The following EYS variants were observed in gnomAD, a reference collection of about 807,000 sequenced individuals.
EYS encodes the protein EGF-like photoreceptor maintenance factor.
Under a neutral mutation model 282.1 loss-of-function variants are expected in EYS, and 250 were observed. That is an observed-to-expected ratio of 0.89 (90% CI 0.80 to 0.98). The LOEUF (loss-of-function observed/expected upper bound fraction) is 0.98. EYS is among the 50% of genes least tolerant of loss of function. The probability of loss-of-function intolerance (pLI) is 0.00; values close to 1 mark genes in which losing one functional copy is unlikely to be tolerated. For synonymous variants in EYS, 1,355 were observed against 1,282.9 expected (o/e 1.06, Z -1.20); for missense variants, 4,016 against 3,709.0 (o/e 1.08, Z -2.15).
Position 63,720,508 on chromosome 6 carries a change from T to C in EYS, c.*88A>G. ...CTATTTCAGGTAATATAGTAAACAG[T>C]TGATTCCCCGTAAGCAATGTATCAA... is the stretch of plus-strand genomic sequence containing the variant. On this transcript the variant is annotated 3_prime_UTR_variant, in exon 43 of 43. Coordinates refer to ENST00000503581, the MANE Select transcript of EYS (RefSeq NM_001142800.2). 2 of 957,734 alleles carry C rather than the reference T, an allele frequency of 2.1e-6. No individual in the cohort carries two copies. The highest frequency in any genetic ancestry group is 3.0e-6 in the Non-Finnish European group (2 of 665,942). 59.3% of individuals were successfully genotyped at this position (957,734 alleles called of 1,614,324 possible).
chr6:64,435,587 G>C (rs1405185034), intron 28 of EYS, among the ~76,000 whole-genome samples: 1 of 151,068 alleles, frequency 6.6e-6, no homozygotes. Context: ...AAAGGTGGAG[G>C]GAGGTAAGGC....
chr6:64,925,066 A>G (rs11756406), intron 15 of EYS, among the ~76,000 whole-genome samples: 4,707 of 152,246 alleles, frequency 0.031, 132 homozygotes, highest in East Asian at 0.13. Flanking sequence ...TATACCCGAG[A>G]CTGGGAAGAA....
chr6:65,480,589 G>A (rs936261323), intron 5 of EYS, among the ~76,000 whole-genome samples: 1 of 152,048 alleles, frequency 6.6e-6, no homozygotes, highest in African/African-American at 2.4e-5. Flanking sequence ...GAAGAAAGGT[G>A]CATATTAAAT....
intron 2 of EYS, among the ~76,000 whole-genome samples, chr6:65,514,026 G>T (rs1308719739): frequency 6.6e-6 from 1 of 152,064 alleles, no homozygotes; most frequent in Non-Finnish European, 1.5e-5. Flanking sequence ...TGACATGATT[G>T]TATATCTAGA....
chr6:65,408,767 G>GT (rs758152186), intron 5 of EYS, among the ~76,000 whole-genome samples: 3 of 151,916 alleles, frequency 2.0e-5, no homozygotes, highest in Non-Finnish European at 4.4e-5. Context: ...ATTTAATGTG[G>GT]TTTTTTTCCA....
chr6:65,266,803 T>A (rs971796289), intron 12 of EYS, among the ~76,000 whole-genome samples: 16 of 151,414 alleles, frequency 1.1e-4, no homozygotes, highest in African/African-American at 3.6e-4. Context: ...CTTAAGCTAC[T>A]CTACAATATC....
At chr6:65,095,231 G>C (rs1774705429) in intron 12 of EYS, among the ~76,000 whole-genome samples, 1 of 151,204 alleles carries the variant, frequency 6.6e-6, no homozygotes, top group Admixed American at 6.6e-5. Flanking sequence ...GAAGTAAACA[G>C]TAAAAGGGTG....
intron 14 of EYS, among the ~76,000 whole-genome samples, chr6:64,977,785 T>A (rs756494457): frequency 6.6e-6 from 1 of 151,850 alleles, no homozygotes; most frequent in Non-Finnish European, 1.5e-5. Context: ...TTTAGTAATC[T>A]GGATAGAAGA....
intron 34 of EYS, among the ~76,000 whole-genome samples, chr6:63,995,853 C>T (rs1767810151): frequency 6.6e-6 from 1 of 151,716 alleles, no homozygotes; most frequent in South Asian, 2.1e-4. Flanking sequence ...AAGTTCCAAT[C>T]TGATAAGAGG....
At chr6:64,973,510 TTCTC>T (rs765255103) in intron 14 of EYS, among the ~76,000 whole-genome samples, 2 of 152,170 alleles carry the variant, frequency 1.3e-5, no homozygotes, top group East Asian at 1.9e-4. Flanking sequence ...TAGTTTACTT[TTCTC>T]TCTCTCTAAG....
chr6:65,517,341 C>CAAAAAAA (rs71002314), intron 2 of EYS, among the ~76,000 whole-genome samples: 2 of 145,024 alleles, frequency 1.4e-5, no homozygotes, highest in South Asian at 2.1e-4. Flanking sequence ...AAAACAACAA[C>CAAAAAAA]AAAAAAAAAA....
In EYS at chr6:64,165,123, CTG is replaced by C. The variant is rs767151513; in HGVS notation, c.6424+65467_6424+65468del. 2.1e-3 allele frequency among the ~76,000 whole-genome samples: 322 copies of C among 152,118 alleles called. 4 individuals carry two copies. Among genetic ancestry groups the C allele is most frequent in the Non-Finnish European group, 2.2e-4 (15 of 67,946 alleles). On this transcript the variant is annotated intron_variant, in intron 31 of 42. Transcript: ENST00000503581. ...GCTGACTATAAGTAGGGTCATAAAA[CTG>C]TACATATCAAATATGTGTAGTTCTT...
chr6:65,371,802 G>A (rs1205801744), intron 8 of EYS, among the ~76,000 whole-genome samples: 1 of 150,864 alleles, frequency 6.6e-6, no homozygotes, highest in Non-Finnish European at 1.5e-5. Context: ...GGGACAAGGA[G>A]AGAGGGACAG....
At chr6:65,457,173 A>T (rs1764654138) in intron 5 of EYS, among the ~76,000 whole-genome samples, 1 of 151,506 alleles carries the variant, frequency 6.6e-6, no homozygotes, top group Admixed American at 6.6e-5. Flanking sequence ...TGTTTTATTT[A>T]TTTATTTTTT....
intron 29 of EYS, among the ~76,000 whole-genome samples, chr6:64,383,030 G>A (rs989184288): frequency 6.6e-6 from 1 of 152,190 alleles, no homozygotes; most frequent in Non-Finnish European, 1.5e-5. Flanking sequence ...GCTCATGCTT[G>A]TAATCCTAGC....
At chr6:64,835,313 T>C (rs1264238799) in intron 19 of EYS, among the ~76,000 whole-genome samples, 1 of 151,682 alleles carries the variant, frequency 6.6e-6, no homozygotes, top group Non-Finnish European at 1.5e-5. Context: ...ACTAGAAACA[T>C]GTGCATAATA....
intron 11 of EYS, among the ~76,000 whole-genome samples, chr6:65,325,848 C>T (rs1269562813): frequency 2.0e-5 from 3 of 152,030 alleles, no homozygotes; most frequent in Non-Finnish European, 4.4e-5. Context: ...CTTGGTTTTG[C>T]CTGTAATAGA....
intron 13 of EYS, among the ~76,000 whole-genome samples, chr6:65,042,174 A>G (rs985020257): frequency 6.6e-6 from 1 of 151,564 alleles, no homozygotes; most frequent in African/African-American, 2.4e-5. Flanking sequence ...TCTAATATGA[A>G]TATAGATCAT....
At chr6:64,023,689 C>A (rs992184689) in intron 33 of EYS, among the ~76,000 whole-genome samples, 2 of 152,264 alleles carry the variant, frequency 1.3e-5, no homozygotes, top group Non-Finnish European at 2.9e-5. Flanking sequence ...CTTGGGGAGG[C>A]CTTCAGCCTG....
Sources: allele counts gnomAD v4.1 joint callset (sites outside exome capture counted in the v4.1 genomes callset), GRCh38; gene constraint gnomAD v4.1.1; transcripts MANE v1.5; gene names NCBI Gene and HGNC (gene_info 2026-07-23, HGNC 2026-07-21).